TANK: variants seen among roughly 807,000 people sequenced by gnomAD.
The protein encoded by TANK is TRAF family member-associated NF-kappa-B activator.
Under a neutral mutation model 43.6 loss-of-function variants are expected in TANK, and 15 were observed. The observed-to-expected ratio is 0.34, with a 90% CI of 0.23 to 0.53. The LOEUF (loss-of-function observed/expected upper bound fraction) is 0.53. Among genes scored for constraint, TANK ranks in the 20% least tolerant of loss-of-function variants. The pLI, the probability that TANK is intolerant of heterozygous loss-of-function variation, is 0.94. For missense variants in TANK, 417 were observed against 498.6 expected, an observed-to-expected ratio of 0.84 and a Z score of 1.56; for synonymous variants, 162 against 178.2, an observed-to-expected ratio of 0.91 and a Z score of 0.73.
intron 2 of TANK, chr2:161,202,899 A>G (rs748805808): frequency 6.5e-6 from 3 of 463,970 alleles, no homozygotes; most frequent in Non-Finnish European, 1.3e-5. Context: ...TGGATTAACA[A>G]TATAAGGGAA....
chr2:161,172,850 C>T (rs1320298354), intron 1 of TANK, among the ~76,000 whole-genome samples: 1 of 152,136 alleles, frequency 6.6e-6, no homozygotes, highest in Non-Finnish European at 1.5e-5. Context: ...CCTCTTGAAT[C>T]CACTCATCTT....
chr2:161,208,733 C>T (rs1011278526), intron 4 of TANK, among the ~76,000 whole-genome samples: 4 of 152,096 alleles, frequency 2.6e-5, no homozygotes, highest in African/African-American at 9.7e-5. Context: ...GGAGGCCTTT[C>T]CATATGAGCC....
intron 7 of TANK, among the ~76,000 whole-genome samples, chr2:161,234,470 C>A (rs1688075388): frequency 6.6e-6 from 1 of 152,120 alleles, no homozygotes. Flanking sequence ...AGTTAACAGA[C>A]ATCTATTGTG....
At position 161,200,525 on chromosome 2, in the gene TANK, T is replaced by C. The variant is rs1686356054; in HGVS notation, c.100-2962T>C. ...CTTTTGGTCTTTCCCTCTCATAGTC[T>C]GTGGTCAAAATCTTTGTACTTTTTT... On this transcript the variant is annotated intron_variant, in intron 2 of 7. Transcript: ENST00000392749. 5.1e-6 allele frequency: 5 copies of C among 983,754 alleles called. No individual in the cohort carries two copies. In the South Asian group the frequency reaches 1.4e-4, roughly 28 times the overall value. 60.9% of individuals were successfully genotyped at this position (983,754 alleles called of 1,614,324 possible).
rs1688141657 is a variant in TANK, at chr2:161,235,655, GATTTACT to G, written c.*140_*146del. ...TCACAGCTATTTGAATTTTTTTCTG[GATTTACT>G]ATATAACTCTTATTTTTTAAAAGAT... On this transcript the variant is annotated 3_prime_UTR_variant, in exon 8 of 8. Coordinates refer to ENST00000392749, the MANE Select transcript of TANK (RefSeq NM_001199135.3). The G allele has an allele frequency of 2.0e-5, 13 of 639,194 alleles. No homozygotes were observed. In the South Asian group the frequency reaches 3.7e-4, roughly 18 times the overall value. The allele number at this position is 639,194 out of a possible 1,614,324, so 39.6% of individuals were successfully genotyped here.
chr2:161,226,887 G>A (rs116263552), intron 6 of TANK, among the ~76,000 whole-genome samples: 8 of 152,340 alleles, frequency 5.3e-5, no homozygotes, highest in African/African-American at 1.4e-4. Context: ...CAACCATGAG[G>A]TCTTTTTCTT....
At chr2:161,208,295 G>A in intron 4 of TANK, 1 of 839,038 alleles carries the variant, frequency 1.2e-6, no homozygotes, top group Non-Finnish European at 1.4e-6. Context: ...TTATAGTTCA[G>A]TCTCTATTCA....
chr2:161,219,619 A>G (rs1436330407), intron 4 of TANK: 1 of 308,740 alleles, frequency 3.2e-6, no homozygotes, highest in Non-Finnish European at 6.5e-6. Context: ...CTATTCTTTT[A>G]TGTTTATTCT....
chr2:161,233,182 G>A (rs1418038820), intron 7 of TANK, among the ~76,000 whole-genome samples: 1 of 152,120 alleles, frequency 6.6e-6, no homozygotes, highest in Non-Finnish European at 1.5e-5. Flanking sequence ...CTAGGAATTT[G>A]AGACCAGCCT....
intron 1 of TANK, chr2:161,161,362 A>G: frequency 1.3e-6 from 2 of 1,550,850 alleles, no homozygotes; most frequent in Non-Finnish European, 1.7e-6. Context: ...TTGAAGGAAA[A>G]GAAAATGACC....
At chr2:161,173,487 A>G (rs1685043699) in intron 1 of TANK, among the ~76,000 whole-genome samples, 1 of 151,926 alleles carries the variant, frequency 6.6e-6, no homozygotes, top group Non-Finnish European at 1.5e-5. Context: ...TTGAGCCTTT[A>G]TCTTGTTTAT....
Position 161,197,031 on chromosome 2 carries a change from A to C in TANK, c.100-6456A>C, listed in dbSNP as rs149642252. Among the ~76,000 whole-genome samples, 180 of 152,348 alleles carry C rather than the reference A, an allele frequency of 1.2e-3. 1 individual carries two copies. Among genetic ancestry groups the C allele is most frequent in the African/African-American group, 4.2e-3 (174 of 41,590 alleles). ...TTGTAAAAAAGTGTGATACGTATAC[A>C]CACATGTATACAGGAGTTCTGAAAG... On this transcript the variant is annotated intron_variant, in intron 2 of 7. Transcript: ENST00000392749.
intron 2 of TANK, among the ~76,000 whole-genome samples, chr2:161,199,484 T>G (rs949418582): frequency 3.3e-5 from 5 of 152,136 alleles, no homozygotes; most frequent in African/African-American, 1.2e-4. Context: ...ACAATTCAAT[T>G]TATGGAACTC....
intron 4 of TANK, among the ~76,000 whole-genome samples, chr2:161,217,365 G>T (rs112867147): frequency 6.6e-6 from 1 of 152,166 alleles, no homozygotes; most frequent in African/African-American, 2.4e-5. Flanking sequence ...GGTGACCATG[G>T]TTATGATCTC....
chr2:161,149,118 A>G (rs1267064), intron 1 of TANK, among the ~76,000 whole-genome samples: 14 of 152,288 alleles, frequency 9.2e-5, no homozygotes, highest in African/African-American at 3.1e-4. Context: ...CTTCCAATCC[A>G]TGGACATAGG....
In TANK at chr2:161,137,303, C is replaced by T. The variant is rs370076884; in HGVS notation, c.-50+240C>T. On this transcript the variant is annotated intron_variant, in intron 1 of 7. Transcript: ENST00000259075. ...CTTTGGGAGGCCAAGGTAAGAGGAT[C>T]ACTTGAGCCCAGGAGTTTGAGGCCA... is the stretch of plus-strand genomic sequence containing the variant. The T allele has an allele frequency of 3.8e-5, 36 of 941,146 alleles. No individual in the cohort carries two copies. The East Asian group carries it at 2.2e-3, about 58-fold the overall frequency. The allele number at this position is 941,146 out of a possible 1,614,324, so 58.3% of individuals were successfully genotyped here.
intron 2 of TANK, among the ~76,000 whole-genome samples, chr2:161,193,148 A>G (rs575653685): frequency 3.9e-5 from 6 of 152,324 alleles, no homozygotes; most frequent in Admixed American, 6.5e-5. Context: ...GCATTCACTT[A>G]AAGGGTTCAC....
At chr2:161,173,698 ACT>A (rs1685054413) in intron 1 of TANK, among the ~76,000 whole-genome samples, 1 of 151,820 alleles carries the variant, frequency 6.6e-6, no homozygotes, top group South Asian at 2.1e-4. Flanking sequence ...TGTCTGCCTC[ACT>A]CAATTATAAG....
rs1684415207 is a variant in TANK at position 161,161,154 on chromosome 2, A to G, written c.-50+668A>G. ...CTGACTAGCAACGAGTTACAGGCAAAAAAGCTGTGCTTTTCTAGAAGTAGA... is the reference window on the plus strand; with the variant it reads ...CTGACTAGCAACGAGTTACAGGCAAGAAAGCTGTGCTTTTCTAGAAGTAGA... On this transcript the variant is annotated intron_variant, in intron 1 of 7. Transcript: ENST00000392749. The G allele has an allele frequency of 1.7e-5, 25 of 1,434,522 alleles. No individual in the cohort carries two copies. The South Asian group carries it at 3.7e-4, about 21-fold the overall frequency. 88.9% of individuals were successfully genotyped at this position (1,434,522 alleles called of 1,614,324 possible). A position where few individuals can be genotyped will look rare whatever the true frequency, so the allele number is the denominator to read the frequency against.
Sources: gnomAD v4.1 joint callset for allele counts (sites outside exome capture counted in the v4.1 genomes callset) on GRCh38, gnomAD v4.1.1 for gene constraint, MANE v1.5 for transcripts, NCBI Gene and HGNC (gene_info 2026-07-23, HGNC 2026-07-21) for gene names.